Variants in GLIS3 observed in about 807,000 individuals in gnomAD.
The protein encoded by GLIS3 is zinc finger protein GLIS3.
GLIS3 carries 53 observed loss-of-function variants against 78.6 expected under a neutral mutation model. The ratio of observed to expected loss-of-function variants is 0.67; its 90% CI spans 0.54 to 0.85. GLIS3 has a LOEUF of 0.85. Among genes scored for constraint, GLIS3 ranks in the 40% least tolerant of loss-of-function variants. The pLI is 0.00. For synonymous variants in GLIS3, 684 were observed against 509.9 expected, an observed-to-expected ratio of 1.34 and a Z score of -4.60; for missense variants, 1,703 against 1,231.1, an observed-to-expected ratio of 1.38 and a Z score of -5.74.
the GLIS3 span, among the ~76,000 whole-genome samples, chr9:4,486,482 C>G: frequency 1.3e-5 from 2 of 152,298 alleles, no homozygotes; most frequent in Admixed American, 6.5e-5. Flanking sequence ...CTCCCAAAAC[C>G]TGTTTTACCA....
intron 8 of GLIS3, among the ~76,000 whole-genome samples, chr9:3,870,817 C>G (rs577290523): frequency 2.0e-5 from 3 of 152,342 alleles, no homozygotes; most frequent in African/African-American, 7.2e-5. Flanking sequence ...TGGCCCATGC[C>G]AAATCTCATG....
chr9:4,379,580 G>C, the GLIS3 span, among the ~76,000 whole-genome samples: 2 of 152,170 alleles, frequency 1.3e-5, no homozygotes, highest in African/African-American at 4.8e-5. Context: ...GCTAAACCTT[G>C]AGTTATTTCA....
the GLIS3 span, among the ~76,000 whole-genome samples, chr9:4,363,069 C>A: frequency 6.6e-6 from 1 of 151,982 alleles, no homozygotes; most frequent in East Asian, 1.9e-4. Flanking sequence ...TCCATTAGGC[C>A]CAAGAGACAG....
At chr9:3,995,104 C>A (rs753741418) in intron 4 of GLIS3, among the ~76,000 whole-genome samples, 1 of 151,946 alleles carries the variant, frequency 6.6e-6, no homozygotes. Context: ...ACAAAGTCAG[C>A]AAATAAACTG....
chr9:4,249,919 A>G (rs916892202), intron 2 of GLIS3, among the ~76,000 whole-genome samples: 3 of 152,298 alleles, frequency 2.0e-5, no homozygotes, highest in East Asian at 1.9e-4. Context: ...GATGGATTAC[A>G]TTTATTGATT....
chr9:3,992,089 G>A (rs1820360066), intron 4 of GLIS3, among the ~76,000 whole-genome samples: 1 of 152,094 alleles, frequency 6.6e-6, no homozygotes, highest in Non-Finnish European at 1.5e-5. Context: ...AAGAAAATAA[G>A]ATTCCCCATT....
intron 2 of GLIS3, among the ~76,000 whole-genome samples, chr9:4,183,215 G>A (rs149427972): frequency 3.3e-5 from 5 of 152,254 alleles, no homozygotes; most frequent in Middle Eastern, 3.4e-3. Context: ...AGATATCATA[G>A]GAACAAAAAT....
chr9:4,463,705 G>T, the GLIS3 span, among the ~76,000 whole-genome samples: 1 of 152,122 alleles, frequency 6.6e-6, no homozygotes, highest in Non-Finnish European at 1.5e-5. Flanking sequence ...AATGTTCCAG[G>T]TCAAAGATGC....
intron 4 of GLIS3, among the ~76,000 whole-genome samples, chr9:4,062,419 C>G (rs867347102): frequency 1.4e-4 from 21 of 152,170 alleles, no homozygotes; most frequent in African/African-American, 3.6e-4. Flanking sequence ...TAAGGCTTAG[C>G]TTTAATCATA....
the GLIS3 span, among the ~76,000 whole-genome samples, chr9:4,446,294 G>A: frequency 6.6e-6 from 1 of 152,264 alleles, no homozygotes; most frequent in South Asian, 2.1e-4. Flanking sequence ...ACCCTTGACT[G>A]CTTCCATTAT....
intron 2 of GLIS3, among the ~76,000 whole-genome samples, chr9:4,220,469 T>C (rs1821228442): frequency 6.6e-6 from 1 of 152,202 alleles, no homozygotes; most frequent in Admixed American, 6.5e-5. Flanking sequence ...CCACCAGCAT[T>C]AGACAGATTG....
chr9:4,110,928 C>T (rs1831162399), intron 4 of GLIS3, among the ~76,000 whole-genome samples: 1 of 152,290 alleles, frequency 6.6e-6, no homozygotes, highest in East Asian at 1.9e-4. Context: ...TTTCACTCTA[C>T]ACATTCAAAT....
chr9:3,934,479 G>A (rs919318017), intron 5 of GLIS3, among the ~76,000 whole-genome samples: 2 of 149,692 alleles, frequency 1.3e-5, no homozygotes, highest in Admixed American at 6.7e-5. Context: ...GCACAATCTC[G>A]GCTCACTGCA....
intron 1 of GLIS3, among the ~76,000 whole-genome samples, chr9:4,293,061 A>C (rs1250654947): frequency 1.3e-5 from 2 of 152,222 alleles, no homozygotes; most frequent in Non-Finnish European, 2.9e-5. Context: ...AGAAAAACAA[A>C]CAAACAAACA....
At chr9:4,351,888 T>C (rs761079701), upstream of GLIS3, among the ~76,000 whole-genome samples, 1 of 152,152 alleles carries the variant, frequency 6.6e-6, no homozygotes, top group Admixed American at 6.5e-5. Context: ...GCACACAGGA[T>C]TCTGAATCTG....
chr9:4,205,133 C>T (rs1436870174), intron 2 of GLIS3, among the ~76,000 whole-genome samples: 4 of 150,790 alleles, frequency 2.7e-5, no homozygotes, highest in Non-Finnish European at 5.9e-5. Flanking sequence ...CTGAGATCAC[C>T]CCACTGCACT....
intron 3 of GLIS3, chr9:4,308,984 GAATA>G (rs1351227962): frequency 6.6e-6 from 1 of 152,236 alleles, no homozygotes; most frequent in African/African-American, 2.4e-5. Context: ...AAAGGAGAAT[GAATA>G]TAGTCAGGTA....
At chr9:4,389,228 T>C in the GLIS3 span, among the ~76,000 whole-genome samples, 11 of 152,182 alleles carry the variant, frequency 7.2e-5, no homozygotes, top group Admixed American at 3.3e-4. Context: ...TGACAAAGGA[T>C]AGAGATGAGA....
At chr9:4,244,435 T>A (rs761881187) in intron 2 of GLIS3, among the ~76,000 whole-genome samples, 26 of 152,360 alleles carry the variant, frequency 1.7e-4, no homozygotes, top group Middle Eastern at 3.4e-3. Flanking sequence ...AATTAAATAT[T>A]ACATAAAATG....
Sources: gnomAD v4.1 joint callset for allele counts (sites outside exome capture counted in the v4.1 genomes callset) on GRCh38, gnomAD v4.1.1 for gene constraint, MANE v1.5 for transcripts, NCBI Gene and HGNC (gene_info 2026-07-23, HGNC 2026-07-21) for gene names.